Variants in RASGRP1 observed in about 807,000 individuals in gnomAD.
The protein encoded by RASGRP1 is RAS guanyl-releasing protein 1.
A neutral mutation model predicts 95.1 loss-of-function variants in RASGRP1; 37 were observed. The observed-to-expected ratio is 0.39, with a 90% CI of 0.30 to 0.51. The LOEUF is 0.51. Ranked by LOEUF, RASGRP1 falls within the 20% of genes least tolerant of loss-of-function variation. The pLI is 0.80. For synonymous variants in RASGRP1, 325 were observed against 353.4 expected (o/e 0.92, Z 0.90); for missense variants, 711 against 965.4 (o/e 0.74, Z 3.49).
chr15:38,491,900 C>T (rs1223154852), intron 16 of RASGRP1, among the ~76,000 whole-genome samples: 1 of 152,138 alleles, frequency 6.6e-6, no homozygotes, highest in East Asian at 1.9e-4. Context: ...GCATTGTTGC[C>T]AACCACATTT....
chr15:38,534,857 T>G (rs1170338987), intron 2 of RASGRP1, among the ~76,000 whole-genome samples: 1 of 152,210 alleles, frequency 6.6e-6, no homozygotes, highest in African/African-American at 2.4e-5. Flanking sequence ...TTCACTGTCC[T>G]GCTGGGGCCA....
intron 3 of RASGRP1, among the ~76,000 whole-genome samples, chr15:38,524,877 G>A (rs550624457): frequency 6.6e-5 from 10 of 152,130 alleles, no homozygotes; most frequent in Admixed American, 3.9e-4. Flanking sequence ...TGAGAAGTAC[G>A]AGGGACCATG....
intron 3 of RASGRP1, among the ~76,000 whole-genome samples, chr15:38,524,668 G>A (rs976819045): frequency 2.5e-4 from 38 of 152,276 alleles, no homozygotes; most frequent in Non-Finnish European, 1.3e-4. Flanking sequence ...AAAGAGATTG[G>A]AGATAGTGAG....
rs763819006 is a variant in RASGRP1 at position 38,498,833 on chromosome 15, A to T, written c.1834T>A (p.Ser612Thr). The T allele has an allele frequency of 1.2e-6, 2 of 1,613,664 alleles. No individual in the cohort carries two copies. The highest frequency in any genetic ancestry group is 2.2e-5 in the South Asian group (2 of 91,040). ...TENNTSVGPV[S>T]NLCSLGAKDL... ...TTGGCTCCCAATGAGCAAAGGTTGG[A>T]CACTGGCCCCACAGAAGTGTTGTTC... The change falls in exon 15 of 17, where the codon TCC (serine) becomes ACC (threonine). Residue 612 changes from serine (S) to threonine (T), a missense_variant. This residue lies in a region of RASGRP1 where 212 missense variants were observed against 247.8 expected (regional missense o/e 0.86). Coordinates refer to ENST00000310803, the MANE Select transcript of RASGRP1 (RefSeq NM_005739.4).
At chr15:38,526,270 G>A in intron 3 of RASGRP1, 29 bp downstream of exon 3, 1 of 1,553,618 alleles carries the variant, frequency 6.4e-7, no homozygotes, top group South Asian at 1.1e-5. Context: ...TCCCATTTTG[G>A]GATTGCCAGT....
chr15:38,554,546 T>G (rs1263708706), intron 2 of RASGRP1, among the ~76,000 whole-genome samples: 1 of 152,148 alleles, frequency 6.6e-6, no homozygotes, highest in Middle Eastern at 3.2e-3. Context: ...AGAGCACAGA[T>G]ATGAATGAAG....
At chr15:38,521,135 A>C (rs1891984616) in intron 3 of RASGRP1, among the ~76,000 whole-genome samples, 1 of 152,192 alleles carries the variant, frequency 6.6e-6, no homozygotes, top group South Asian at 2.1e-4. Context: ...AGTGAGAATG[A>C]GATGGCTTTA....
At chr15:38,492,052 A>C (rs1353944996) in intron 16 of RASGRP1, among the ~76,000 whole-genome samples, 2 of 152,192 alleles carry the variant, frequency 1.3e-5, no homozygotes, top group African/African-American at 4.8e-5. Flanking sequence ...TGAAAACACA[A>C]ATCTTTGCCT....
At position 38,560,099 on chromosome 15, in the gene RASGRP1, A is replaced by G. The variant is rs748789910; in HGVS notation, c.36-94T>C. 2.3e-5 allele frequency: 27 copies of G among 1,180,592 alleles called. No homozygotes were observed. The South Asian group carries it at 3.4e-4, about 15-fold the overall frequency. 73.1% of individuals were successfully genotyped at this position (1,180,592 alleles called of 1,614,324 possible). ...GAAGGGAATGGAGATAAGACAATTA[A>G]TCTCAGGAGCTGGGCTGATAGAAGC... On this transcript the variant is annotated intron_variant, in intron 1 of 16. Transcript: ENST00000310803.
chr15:38,545,987 GC>G (rs1356108788), intron 2 of RASGRP1, among the ~76,000 whole-genome samples: 7 of 152,068 alleles, frequency 4.6e-5, no homozygotes, highest in Non-Finnish European at 1.0e-4. Context: ...TAGTCTCATA[GC>G]TGTTCGTGTC....
chr15:38,558,224 A>G (rs910637070), intron 2 of RASGRP1, among the ~76,000 whole-genome samples: 5 of 152,208 alleles, frequency 3.3e-5, no homozygotes, highest in Admixed American at 1.3e-4. Flanking sequence ...AGTGGAGTAC[A>G]TGATGAACAA....
chr15:38,555,605 C>A (rs1566938761), intron 2 of RASGRP1, among the ~76,000 whole-genome samples: 1 of 152,120 alleles, frequency 6.6e-6, no homozygotes, highest in Non-Finnish European at 1.5e-5. Context: ...ACTGGGGGCA[C>A]AAGGCAAATT....
chr15:38,515,839 A>G (rs1891745695), intron 6 of RASGRP1, among the ~76,000 whole-genome samples: 1 of 134,652 alleles, frequency 7.4e-6, no homozygotes, highest in African/African-American at 2.7e-5. Context: ...CCTAATGATT[A>G]TCAGGGGTAT....
rs917068454 is a variant in RASGRP1 at position 38,489,423 on chromosome 15, T to C, written c.*1131A>G. The C allele has an allele frequency of 2.6e-5, 4 of 152,272 alleles. No individual in the cohort carries two copies. Among genetic ancestry groups the C allele is most frequent in the East Asian group, 3.8e-4 (2 of 5,198 alleles). 9.4% of individuals were successfully genotyped at this position (152,272 alleles called of 1,614,324 possible). On this transcript the variant is annotated 3_prime_UTR_variant, in exon 17 of 17. Coordinates refer to ENST00000310803, the MANE Select transcript of RASGRP1 (RefSeq NM_005739.4). The stretch of plus-strand genomic sequence containing the variant: ...TTACCTTGTGAGCAATTTAATCTTG[T>C]GACAAACTGAACTTTATATTTGTGA...
chr15:38,558,885 A>G (rs1197628747), intron 2 of RASGRP1, among the ~76,000 whole-genome samples: 1 of 152,124 alleles, frequency 6.6e-6, no homozygotes, highest in Non-Finnish European at 1.5e-5. Context: ...TGAGCTGCCT[A>G]GGATCTGACT....
At chr15:38,503,549 A>G (rs1891125577) in intron 10 of RASGRP1, 173 bp from the exon 11 acceptor site, 1 of 626,708 alleles carries the variant, frequency 1.6e-6, no homozygotes, top group Non-Finnish European at 2.8e-6. Flanking sequence ...AATTTTGGCT[A>G]ACAAGGCATT....
At position 38,564,690 on chromosome 15, in the gene RASGRP1, C is replaced by T; in HGVS notation, c.-62G>A. Reference sequence around the variant, plus strand: ...CGCGGCCGGGCGCGGCGCATCGCCCCCGCCACCACCGCCGCCGCCTGCCGG... The same window carrying T: ...CGCGGCCGGGCGCGGCGCATCGCCCTCGCCACCACCGCCGCCGCCTGCCGG... On this transcript the variant is annotated 5_prime_UTR_variant, in exon 1 of 17. Coordinates refer to ENST00000310803, the MANE Select transcript of RASGRP1 (RefSeq NM_005739.4). 4 of 1,181,646 alleles carry T rather than the reference C, an allele frequency of 3.4e-6. No individual in the cohort carries two copies. The highest frequency in any genetic ancestry group is 4.2e-6 in the Non-Finnish European group (4 of 952,560). 73.2% of individuals were successfully genotyped at this position (1,181,646 alleles called of 1,614,324 possible).
At chr15:38,532,254 G>T (rs1008854810) in intron 2 of RASGRP1, among the ~76,000 whole-genome samples, 2 of 152,154 alleles carry the variant, frequency 1.3e-5, no homozygotes, top group Admixed American at 6.6e-5. Flanking sequence ...TAAAATGTGC[G>T]TATTTTTTCA....
intron 2 of RASGRP1, among the ~76,000 whole-genome samples, chr15:38,542,898 T>C: frequency 7.1e-6 from 1 of 139,900 alleles, no homozygotes; most frequent in East Asian, 2.0e-4. Flanking sequence ...TATATGTGTA[T>C]ATATATACAC....
Sources: allele counts gnomAD v4.1 joint callset (sites outside exome capture counted in the v4.1 genomes callset), GRCh38; gene constraint gnomAD v4.1.1; regional missense constraint gnomAD v4.1.1; transcripts MANE v1.5; gene names NCBI Gene and HGNC (gene_info 2026-07-23, HGNC 2026-07-21).